RYR3: variants seen among roughly 807,000 people sequenced by gnomAD.
RYR3 encodes the protein ryanodine receptor 3, also known as brain ryanodine receptor-calcium release channel.
A neutral mutation model predicts 584.3 loss-of-function variants in RYR3; 207 were observed. The ratio of observed to expected loss-of-function variants is 0.35; its 90% CI spans 0.32 to 0.40. The LOEUF (loss-of-function observed/expected upper bound fraction) is 0.40. Ranked by LOEUF, RYR3 falls within the 10% of genes least tolerant of loss-of-function variation. RYR3 has a pLI of 1.00. For missense variants in RYR3, 5,616 were observed against 6,089.2 expected (o/e 0.92, Z 2.59); for synonymous variants, 2,416 against 2,248.5 (o/e 1.07, Z -2.11).
chr15:33,821,456 T>A, intron 79 of RYR3, 67 bp from the exon 80 acceptor site: 1 of 1,601,418 alleles, frequency 6.2e-7, no homozygotes, highest in East Asian at 2.2e-5. Context: ...AGAGCCCTGC[T>A]AAGGCCCAGG....
chr15:33,426,792 T>C (rs2044687341), intron 1 of RYR3, among the ~76,000 whole-genome samples: 2 of 152,136 alleles, frequency 1.3e-5, no homozygotes, highest in Admixed American at 6.5e-5. Context: ...GAAATTTATA[T>C]CTCTCAGTTC....
At chr15:33,757,815 A>G in intron 60 of RYR3, 1 of 569,768 alleles carries the variant, frequency 1.8e-6, no homozygotes, top group East Asian at 2.9e-5. Context: ...GGCTTGGGAA[A>G]GATGTATATA....
At position 33,584,449 on chromosome 15, in the gene RYR3, A is replaced by C. The variant is rs1490261099; in HGVS notation, c.1628A>C (p.Asp543Ala). ...TGCGCTCAATTCTCCAATAACCTTG[A>C]TTGGCTCATCAGTAAATTGGACAGA... ...NNCAQFSNNLDWLISKLDRLE... is the reference protein window; with the variant it reads ...NNCAQFSNNLAWLISKLDRLE... Residue 543 changes from aspartate (D) to alanine (A), a missense_variant, in exon 15 of 104, where the codon GAT (aspartate) becomes GCT (alanine). Asp to Ala is a moderately radical substitution (Grantham distance 126, BLOSUM62 -2). Coordinates refer to ENST00000634891, the MANE Select transcript of RYR3 (RefSeq NM_001036.6). The C allele has an allele frequency of 9.3e-6, 15 of 1,606,608 alleles. No individual in the cohort carries two copies. The East Asian group carries it at 3.4e-4, about 36-fold the overall frequency.
rs11639392 is a variant in RYR3, at chr15:33,311,568, G to C, written c.51+472G>C. On this transcript the variant is annotated intron_variant, in intron 1 of 103. Transcript: ENST00000634891. This position sits in a 1 kb window ranked among gnomAD's most constrained non-coding sequence, Gnocchi z 4.4. Reference sequence around the variant, plus strand: ...CTCCGGGAAGGAGCCAGCGGGGCAGGGGGGAGTGTGGGGAGCCGGGTCGGA... The same window carrying C: ...CTCCGGGAAGGAGCCAGCGGGGCAGCGGGGAGTGTGGGGAGCCGGGTCGGA... 2.0e-5 allele frequency among the ~76,000 whole-genome samples: 3 copies of C among 152,270 alleles called. No homozygotes were observed. Among genetic ancestry groups the C allele is most frequent in the South Asian group, 2.1e-4 (1 of 4,824 alleles).
rs202065645 is a variant in RYR3 at position 33,785,697 on chromosome 15, C to G, written c.9304C>G (p.Pro3102Ala). ...GMPDTVEDMC[P>A]DIPQLEGLMK... Reference sequence around the variant, plus strand: ...GCCAGACACGGTAGAAGACATGTGTCCTGACATCCCCCAGCTGGAAGGCCT... The same window carrying G: ...GCCAGACACGGTAGAAGACATGTGTGCTGACATCCCCCAGCTGGAAGGCCT... The change falls in exon 66 of 104, where the codon CCT becomes GCT. Residue 3102 changes from proline to alanine, a missense_variant. Coordinates refer to ENST00000634891, the MANE Select transcript of RYR3 (RefSeq NM_001036.6). The G allele has an allele frequency of 3.7e-6, 6 of 1,610,644 alleles. No individual in the cohort carries two copies. The highest frequency in any genetic ancestry group is 1.7e-5 in the Admixed American group (1 of 59,848).
intron 60 of RYR3, among the ~76,000 whole-genome samples, chr15:33,765,243 T>C (rs1596487632): frequency 6.6e-6 from 1 of 152,244 alleles, no homozygotes; most frequent in South Asian, 2.1e-4. Flanking sequence ...GGCTAAAAGA[T>C]GGATTCTACT....
chr15:33,494,407 C>A lies in RYR3; in HGVS notation c.172-9224C>A, dbSNP rs559736756. On this transcript the variant is annotated intron_variant, in intron 2 of 103. Transcript: ENST00000634891. ...GAGTAAACCTCAGGCCAGCACAGTGCCTAGAAACAGCAATCATTCTGCTCA... is the reference window on the plus strand; with the variant it reads ...GAGTAAACCTCAGGCCAGCACAGTGACTAGAAACAGCAATCATTCTGCTCA... Among the ~76,000 whole-genome samples the A allele has an allele frequency of 3.3e-3, 504 of 152,272 alleles. 3 individuals carry two copies. Among genetic ancestry groups the A allele is most frequent in the African/African-American group, 0.011 (477 of 41,566 alleles).
intron 61 of RYR3, 87 bp from the exon 62 acceptor site, chr15:33,769,025 G>T: frequency 1.0e-6 from 1 of 971,352 alleles, no homozygotes; most frequent in South Asian, 1.3e-5. Flanking sequence ...TTACGCTGGG[G>T]CTGTGGCTTG....
chr15:33,707,248 TAA>T (rs1566992843), intron 43 of RYR3, among the ~76,000 whole-genome samples, 194 bp downstream of exon 43: 1 of 151,966 alleles, frequency 6.6e-6, no homozygotes, highest in African/African-American at 2.4e-5. Context: ...CAGACAAGGA[TAA>T]AGAGTAGAGT....
intron 1 of RYR3, among the ~76,000 whole-genome samples, chr15:33,372,313 T>C (rs895701229): frequency 2.0e-5 from 3 of 151,604 alleles, no homozygotes; most frequent in Non-Finnish European, 4.4e-5. Context: ...TGCCTCAGCC[T>C]TCTGAGTAGC....
chr15:33,351,319 T>A (rs1415801516), intron 1 of RYR3, among the ~76,000 whole-genome samples: 1 of 152,230 alleles, frequency 6.6e-6, no homozygotes, highest in African/African-American at 2.4e-5. Context: ...ACAGCCGATT[T>A]CTACCAGAGA....
At chr15:33,795,338 G>A (rs1221775656) in intron 67 of RYR3, among the ~76,000 whole-genome samples, 1 of 151,600 alleles carries the variant, frequency 6.6e-6, no homozygotes, top group East Asian at 1.9e-4. Context: ...CCGCATGCCA[G>A]GAGATAAAAA....
intron 1 of RYR3, among the ~76,000 whole-genome samples, chr15:33,404,996 T>C (rs2042926489): frequency 6.6e-6 from 1 of 152,172 alleles, no homozygotes; most frequent in Non-Finnish European, 1.5e-5. Flanking sequence ...GGGAAACTGG[T>C]AACCTTGGAA....
intron 1 of RYR3, among the ~76,000 whole-genome samples, chr15:33,325,418 A>C (rs1470317929): frequency 6.6e-6 from 1 of 152,246 alleles, no homozygotes; most frequent in Non-Finnish European, 1.5e-5. Flanking sequence ...GAATGGTCCA[A>C]GATTAATTTT....
intron 43 of RYR3, 109 bp from the exon 44 acceptor site, chr15:33,722,606 G>C (rs749580220): frequency 1.8e-6 from 2 of 1,085,692 alleles, no homozygotes; most frequent in Non-Finnish European, 2.8e-6. Context: ...ACCAAAAACA[G>C]AGTAGGTGAT....
intron 102 of RYR3, among the ~76,000 whole-genome samples, chr15:33,863,254 C>A (rs117983049): frequency 0.032 from 4,933 of 152,270 alleles, 159 homozygotes; most frequent in Non-Finnish European, 0.039. Flanking sequence ...ATGATGTCCT[C>A]AGCCCCTACG....
intron 10 of RYR3, among the ~76,000 whole-genome samples, chr15:33,561,628 A>G (rs1362925855): frequency 6.6e-6 from 1 of 152,174 alleles, no homozygotes; most frequent in South Asian, 2.1e-4. Flanking sequence ...AAGAATGAGA[A>G]GAATGTGGGG....
intron 1 of RYR3, among the ~76,000 whole-genome samples, chr15:33,426,295 T>C (rs1009292338): frequency 6.6e-6 from 1 of 152,210 alleles, no homozygotes; most frequent in African/African-American, 2.4e-5. Context: ...TAATTTTTTT[T>C]AAGAAAACGT....
chr15:33,695,434 C>T (rs1227301670), intron 38 of RYR3, among the ~76,000 whole-genome samples: 7 of 148,006 alleles, frequency 4.7e-5, no homozygotes, highest in Non-Finnish European at 8.8e-5. Flanking sequence ...GTAAAATTTC[C>T]GTAAAACCAG....
Sources: gnomAD v4.1 joint callset for allele counts (sites outside exome capture counted in the v4.1 genomes callset) on GRCh38, gnomAD v4.1.1 for gene constraint, Gnocchi (gnomAD v3.1) non-coding constraint, MANE v1.5 for transcripts, NCBI Gene and HGNC (gene_info 2026-07-23, HGNC 2026-07-21) for gene names.